Variants in SREK1 observed in about 807,000 individuals in gnomAD.
The protein encoded by SREK1 is splicing regulatory glutamic acid and lysine rich protein 1.
In SREK1, 13 loss-of-function variants were observed where a neutral mutation model predicts 66.5. The ratio of observed to expected loss-of-function variants is 0.20; its 90% CI spans 0.13 to 0.31. The LOEUF (loss-of-function observed/expected upper bound fraction) is 0.31, where lower values mean the gene tolerates loss of function less well. Among genes scored for constraint, SREK1 ranks in the 10% least tolerant of loss-of-function variants. SREK1 has a pLI of 1.00. For synonymous variants in SREK1, 265 were observed against 263.5 expected, an observed-to-expected ratio of 1.01 and a Z score of -0.05; for missense variants, 607 against 769.6, an observed-to-expected ratio of 0.79 and a Z score of 2.50.
At position 66,162,425 on chromosome 5, in the gene SREK1, T is replaced by C. The variant is rs1025250962; in HGVS notation, c.588T>C (p.Ala196=). The C allele has an allele frequency of 3.1e-6, 5 of 1,613,996 alleles. No homozygotes were observed. Among genetic ancestry groups the C allele is most frequent in the Non-Finnish European group, 4.2e-6 (5 of 1,179,900 alleles). ...VGNLNSQTTT[A]DQLLEFFKQV... is the part of the protein sequence containing the mutation. The stretch of plus-strand genomic sequence containing the variant: ...CTTTGTTCCCTTAGACAACGACAGC[T>C]GATCAACTACTTGAATTTTTTAAAC... The change falls in exon 5 of 12, where the codon GCT becomes GCC. Residue 196 remains alanine, a synonymous_variant. Coordinates refer to ENST00000334121, the MANE Select transcript of SREK1 (RefSeq NM_001077199.3).
chr5:66,160,134 AAAAAG>A (rs1052999564), intron 3 of SREK1, among the ~76,000 whole-genome samples: 1 of 152,216 alleles, frequency 6.6e-6, no homozygotes, highest in Non-Finnish European at 1.5e-5. Context: ...TCAAAAAAAA[AAAAAG>A]GGTATATTAC....
intron 11 of SREK1, 148 bp from the exon 12 acceptor site, chr5:66,178,571 T>G: frequency 1.6e-6 from 1 of 642,310 alleles, no homozygotes; most frequent in Non-Finnish European, 2.5e-6. Context: ...TTGATAGTGT[T>G]TGCATATTCA....
intron 10 of SREK1, among the ~76,000 whole-genome samples, chr5:66,175,409 G>A (rs1004190373): frequency 1.8e-4 from 27 of 152,122 alleles, no homozygotes; most frequent in Middle Eastern, 3.2e-3. Context: ...AACTTACCAG[G>A]TCAGAGAGAG....
rs934405984 is a variant in SREK1, at chr5:66,178,575, A to G, written c.1726-144A>G. 96 of 658,544 alleles carry G rather than the reference A, an allele frequency of 1.5e-4. 1 individual carries two copies. The East Asian group carries it at 1.6e-3, about 11-fold the overall frequency. 40.8% of individuals were successfully genotyped at this position (658,544 alleles called of 1,614,324 possible). On this transcript the variant is annotated intron_variant, in intron 11 of 11. Transcript: ENST00000334121. ...CAAAGGGGAAATTGATAGTGTTTGC[A>G]TATTCATTTTGTGTGAAAACGTAAT...
chr5:66,161,197 C>T (rs1053914364), intron 3 of SREK1, among the ~76,000 whole-genome samples: 1 of 152,108 alleles, frequency 6.6e-6, no homozygotes, highest in African/African-American at 2.4e-5. Flanking sequence ...CTGTTAGGAA[C>T]TCATACTCAT....
intron 11 of SREK1, among the ~76,000 whole-genome samples, chr5:66,178,504 C>T (rs915818415): frequency 6.6e-6 from 1 of 151,964 alleles, no homozygotes; most frequent in Non-Finnish European, 1.5e-5. Flanking sequence ...TTCTGTTCAC[C>T]AATTCTAATT....
In SREK1 at chr5:66,170,090, C is replaced by A. The variant is rs779062636; in HGVS notation, c.1041C>A (p.Asp347Glu). The change falls in exon 8 of 12, where the codon GAC (aspartate) becomes GAA (glutamate). Residue 347 changes from aspartate to glutamate, a missense_variant. Asp to Glu is a conservative substitution (Grantham distance 45, BLOSUM62 2). Transcript: ENST00000334121. Reference sequence around the variant, plus strand: ...ATAGATCACGTTCAAGACAGAAAGACAGACGTAGATCTAAGAGCCCACATA... The same window carrying A: ...ATAGATCACGTTCAAGACAGAAAGAAAGACGTAGATCTAAGAGCCCACATA... ...SHNRSRSRQK[D>E]RRRSKSPHKK... is the part of the protein sequence containing the mutation. 2.5e-6 allele frequency: 4 copies of A among 1,611,806 alleles called. No individual in the cohort carries two copies. The highest frequency in any genetic ancestry group is 2.7e-5 in the African/African-American group (2 of 74,742).
chr5:66,163,591 G>A (rs1337075283), intron 5 of SREK1: 2 of 408,346 alleles, frequency 4.9e-6, no homozygotes, highest in East Asian at 8.2e-5. Flanking sequence ...CCCTGCTTTT[G>A]GTTGTATTCG....
In SREK1 at chr5:66,170,742, A is replaced by G; in HGVS notation, c.1279A>G (p.Lys427Glu). Residue 427 changes from lysine (K) to glutamate (E), a missense_variant, in exon 9 of 12, where the codon AAA becomes GAA. Around this residue, in one of 5 missense-constraint regions of SREK1, gnomAD observed 318 missense variants for 310.3 expected, o/e 1.02. Coordinates refer to ENST00000334121, the MANE Select transcript of SREK1 (RefSeq NM_001077199.3). ...CAAGGAACGGGAAAAGGACCGGGAA[A>G]AAGACAAGGAAAAGGACAGAGAGAG... ...RDKEREKDRE[K>E]DKEKDRERER... 6.2e-7 allele frequency: 1 copy of G among 1,600,628 alleles called. No homozygotes were observed. Among genetic ancestry groups the G allele is most frequent in the Non-Finnish European group, 8.5e-7 (1 of 1,172,892 alleles).
At position 66,174,985 on chromosome 5, in the gene SREK1, G is replaced by T. The variant is rs371059336; in HGVS notation, c.1524G>T (p.Ser508=). 2.7e-5 allele frequency: 44 copies of T among 1,612,608 alleles called. No individual in the cohort carries two copies. The highest frequency in any genetic ancestry group is 3.6e-5 in the Non-Finnish European group (42 of 1,179,320). The change falls in exon 10 of 12, where the codon TCG becomes TCT. Residue 508 remains serine (S), a synonymous_variant. Transcript: ENST00000334121. ...GGAGGAGCAGGAGTTCTTCCAGATC[G>T]CCAAGAACATCAAAAACCATAAAAA... ...RRRRSRSSSR[S]PRTSKTIKRK...
intron 1 of SREK1, among the ~76,000 whole-genome samples, chr5:66,149,460 T>A (rs1430625099): frequency 1.3e-5 from 2 of 152,254 alleles, no homozygotes; most frequent in African/African-American, 4.8e-5. Flanking sequence ...AACATTTTTT[T>A]AACCAGTTCC....
At chr5:66,164,225 A>G (rs758640958) in intron 6 of SREK1, 2 of 309,738 alleles carry the variant, frequency 6.5e-6, no homozygotes, top group Non-Finnish European at 1.2e-5. Context: ...TAAAAAGAGT[A>G]CATATATTTA....
intron 10 of SREK1, among the ~76,000 whole-genome samples, chr5:66,175,672 A>G (rs1165308075): frequency 2.0e-5 from 3 of 152,336 alleles, no homozygotes; most frequent in East Asian, 3.9e-4. Flanking sequence ...ATTATCCTCT[A>G]TAAGAGTTGG....
intron 10 of SREK1, among the ~76,000 whole-genome samples, chr5:66,175,583 T>G (rs1745995696): frequency 6.6e-6 from 1 of 152,188 alleles, no homozygotes; most frequent in South Asian, 2.1e-4. Flanking sequence ...AGTGTGCATG[T>G]GTGTAGGAAA....
At chr5:66,158,969 A>G (rs1744507870) in intron 2 of SREK1, 9 of 1,340,180 alleles carry the variant, frequency 6.7e-6, no homozygotes, top group Non-Finnish European at 8.7e-6. Flanking sequence ...AATTGTCTAC[A>G]TTATTCAATT....
intron 9 of SREK1, 31 bp downstream of exon 9, chr5:66,170,978 G>C (rs534833451): frequency 6.4e-7 from 1 of 1,568,308 alleles, no homozygotes; most frequent in African/African-American, 1.4e-5. Context: ...TTTACAAAGG[G>C]ATTTGCTGAT....
chr5:66,168,983 C>A (rs188353911), intron 7 of SREK1: 1 of 152,206 alleles, frequency 6.6e-6, no homozygotes, highest in East Asian at 1.9e-4. Context: ...GGAAGAAACT[C>A]AGGCTTGGAG....
chr5:66,155,826 A>G (rs1744238842), intron 2 of SREK1, among the ~76,000 whole-genome samples: 1 of 152,238 alleles, frequency 6.6e-6, no homozygotes, highest in Non-Finnish European at 1.5e-5. Flanking sequence ...AAAACATGCC[A>G]TTTCAAAATA....
rs1243512098 is a variant in SREK1, at chr5:66,144,424, C to T, written c.48C>T (p.Thr16=). Residue 16 remains threonine, a synonymous_variant, in exon 1 of 12, where the codon ACC becomes ACT. Transcript: ENST00000334121. The stretch of plus-strand genomic sequence containing the variant: ...GTTTGGGCTTAGGCTTCGGCCTCAC[C>T]CCCACGTCGGTGATTCAGGTGACGA... ...GFGLGLGFGL[T]PTSVIQVTNL... is the part of the protein sequence containing the mutation. 6 of 1,551,618 alleles carry T rather than the reference C, an allele frequency of 3.9e-6. No homozygotes were observed. The Admixed American group carries it at 9.8e-5, about 25-fold the overall frequency.
Sources: allele counts gnomAD v4.1 joint callset (sites outside exome capture counted in the v4.1 genomes callset), GRCh38; gene constraint gnomAD v4.1.1; regional missense constraint gnomAD v4.1.1; transcripts MANE v1.5; gene names NCBI Gene and HGNC (gene_info 2026-07-23, HGNC 2026-07-21).